The following LTBP1 variants were observed in gnomAD, a reference collection of about 807,000 sequenced individuals.
The protein encoded by LTBP1 is latent transforming growth factor beta binding protein 1.
A neutral mutation model predicts 207.6 loss-of-function variants in LTBP1; 129 were observed. The ratio of observed to expected loss-of-function variants is 0.62; its 90% CI spans 0.54 to 0.72. The LOEUF (loss-of-function observed/expected upper bound fraction) is 0.72, where lower values mean the gene tolerates loss of function less well. LTBP1 is among the 30% of genes least tolerant of loss of function. The pLI is 0.00. For missense variants in LTBP1, 2,281 were observed against 2,217.2 expected, an observed-to-expected ratio of 1.03 and a Z score of -0.58; for synonymous variants, 963 against 833.7, an observed-to-expected ratio of 1.16 and a Z score of -2.67.
intron 4 of LTBP1, among the ~76,000 whole-genome samples, chr2:33,115,037 T>TATATACACACAC (rs869158793): frequency 1.4e-5 from 2 of 145,268 alleles, no homozygotes; most frequent in South Asian, 2.3e-4. Flanking sequence ...AACAGATATA[T>TATATACACACAC]ACACACACAC....
chr2:33,154,196 C>T (rs6715793), intron 5 of LTBP1, among the ~76,000 whole-genome samples: 65,683 of 151,874 alleles, frequency 0.43, 15,126 homozygotes, highest in Non-Finnish European at 0.5. Flanking sequence ...ATTAGCTAGG[C>T]CTGTAGGTAG....
chr2:33,352,025 C>T (rs2094788486), intron 26 of LTBP1, among the ~76,000 whole-genome samples: 1 of 152,214 alleles, frequency 6.6e-6, no homozygotes, highest in South Asian at 2.1e-4. Flanking sequence ...CTATTTCCAG[C>T]TGCCTATTGG....
At chr2:33,055,992 C>T (rs1020927577) in intron 3 of LTBP1, among the ~76,000 whole-genome samples, 28 of 152,110 alleles carry the variant, frequency 1.8e-4, no homozygotes, top group Non-Finnish European at 3.5e-4. Flanking sequence ...TGGGATGTAA[C>T]TTGTAAGCTT....
intron 5 of LTBP1, among the ~76,000 whole-genome samples, chr2:33,144,879 G>A (rs773795886): frequency 2.2e-4 from 34 of 152,076 alleles, no homozygotes; most frequent in Non-Finnish European, 3.7e-4. Flanking sequence ...GTCTATTGTT[G>A]GAAAGCTTCC....
At chr2:33,370,218 A>T (rs2095050247) in intron 31 of LTBP1, among the ~76,000 whole-genome samples, 1 of 152,260 alleles carries the variant, frequency 6.6e-6, no homozygotes, top group Non-Finnish European at 1.5e-5. Context: ...CTCAGATCAA[A>T]TGCATTTTCA....
chr2:33,270,012 G>A (rs1024533055), intron 15 of LTBP1, among the ~76,000 whole-genome samples: 1 of 148,364 alleles, frequency 6.7e-6, no homozygotes, highest in Non-Finnish European at 1.5e-5. Flanking sequence ...GTCACTCAGG[G>A]TTCAAGCGAT....
At chr2:33,257,223 C>A in intron 11 of LTBP1, 61 bp from the exon 12 acceptor site, 1 of 1,221,464 alleles carries the variant, frequency 8.2e-7, no homozygotes, top group Non-Finnish European at 1.2e-6. Context: ...ATGATATTTT[C>A]CTCTGTATAA....
chr2:33,226,978 T>C (rs2091474545), intron 9 of LTBP1, among the ~76,000 whole-genome samples: 1 of 152,236 alleles, frequency 6.6e-6, no homozygotes, highest in Non-Finnish European at 1.5e-5. Flanking sequence ...TCCCTTTTCT[T>C]AGAATTCCAT....
chr2:33,016,838 CA>C (rs1279933098), intron 2 of LTBP1, among the ~76,000 whole-genome samples: 1 of 152,188 alleles, frequency 6.6e-6, no homozygotes, highest in Non-Finnish European at 1.5e-5. Context: ...GCCTGGCCAA[CA>C]TGGCGAAACC....
At chr2:33,301,126 C>A (rs1350519684) in intron 21 of LTBP1, among the ~76,000 whole-genome samples, 1 of 152,142 alleles carries the variant, frequency 6.6e-6, no homozygotes, top group East Asian at 1.9e-4. Context: ...TGACCTTAGA[C>A]TTTTTAAAGA....
intron 24 of LTBP1, among the ~76,000 whole-genome samples, chr2:33,324,878 T>C (rs1465411706): frequency 6.6e-6 from 1 of 152,018 alleles, no homozygotes; most frequent in Non-Finnish European, 1.5e-5. Flanking sequence ...ATTTTGTTTG[T>C]TTGTTTTTAG....
At chr2:33,388,637 ACT>A (rs1487078805) in intron 31 of LTBP1, among the ~76,000 whole-genome samples, 1 of 152,018 alleles carries the variant, frequency 6.6e-6, no homozygotes, top group Non-Finnish European at 1.5e-5. Flanking sequence ...GATTATTATG[ACT>A]CTCAGCATAG....
intron 31 of LTBP1, among the ~76,000 whole-genome samples, chr2:33,386,071 C>T (rs2095263301): frequency 6.6e-6 from 1 of 152,210 alleles, no homozygotes; most frequent in Non-Finnish European, 1.5e-5. Flanking sequence ...CTTCCCTAGC[C>T]TTGGTCTAGT....
chr2:33,258,904 A>G (rs1190838679), intron 12 of LTBP1, among the ~76,000 whole-genome samples: 1 of 152,222 alleles, frequency 6.6e-6, no homozygotes, highest in Non-Finnish European at 1.5e-5. Context: ...TGAAGGACTG[A>G]TTAATGAAAA....
At chr2:33,273,330 A>T (rs921308388) in intron 15 of LTBP1, among the ~76,000 whole-genome samples, 2 of 152,230 alleles carry the variant, frequency 1.3e-5, no homozygotes, top group African/African-American at 4.8e-5. Context: ...GAAACTCATT[A>T]ATAGGCCATT....
Position 33,060,651 on chromosome 2 carries a change from C to G in LTBP1, c.863+39445C>G, listed in dbSNP as rs528949084. 4.0e-4 allele frequency among the ~76,000 whole-genome samples: 59 copies of G among 146,752 alleles called. 1 individual carries two copies. In the South Asian group the frequency reaches 6.2e-3, roughly 15 times the overall value. On this transcript the variant is annotated intron_variant, in intron 3 of 33. Coordinates refer to ENST00000404816, the MANE Select transcript of LTBP1 (RefSeq NM_206943.4). ...GTTGTACTGAATTTTAAATTCAGAT[C>G]TGTGTGTGTGTGTGTGTGTGTGTGT... is the stretch of plus-strand genomic sequence containing the variant.
At chr2:33,389,908 G>C (rs985685777) in intron 32 of LTBP1, among the ~76,000 whole-genome samples, 2 of 152,096 alleles carry the variant, frequency 1.3e-5, no homozygotes, top group Non-Finnish European at 2.9e-5. Flanking sequence ...AAAGTGCTGG[G>C]ATTACAGGCA....
At chr2:33,309,742 G>A (rs2094153503) in intron 23 of LTBP1, among the ~76,000 whole-genome samples, 186 bp downstream of exon 23, 1 of 152,194 alleles carries the variant, frequency 6.6e-6, no homozygotes, top group South Asian at 2.1e-4. Flanking sequence ...GTCCAGCATA[G>A]TGTCAACTGA....
intron 3 of LTBP1, among the ~76,000 whole-genome samples, chr2:33,040,520 A>G (rs1178576453): frequency 1.3e-5 from 2 of 152,130 alleles, no homozygotes; most frequent in Non-Finnish European, 2.9e-5. Context: ...CAGAACCTAA[A>G]CTCATTTCAA....
Sources: gnomAD v4.1 joint callset for allele counts (sites outside exome capture counted in the v4.1 genomes callset) on GRCh38, gnomAD v4.1.1 for gene constraint, MANE v1.5 for transcripts, NCBI Gene and HGNC (gene_info 2026-07-23, HGNC 2026-07-21) for gene names.